Variants in PTPN3 observed in about 807,000 individuals in gnomAD.
PTPN3 encodes tyrosine-protein phosphatase non-receptor type 3.
In PTPN3, 96 loss-of-function variants were observed where a neutral mutation model predicts 132.7. That is an observed-to-expected ratio of 0.72 (90% confidence interval 0.61 to 0.86). The LOEUF is 0.86. PTPN3 is among the 40% of genes least tolerant of loss of function. The pLI is 0.00. For missense variants in PTPN3, 1,125 were observed against 1,159.6 expected, an observed-to-expected ratio of 0.97 and a Z score of 0.43; for synonymous variants, 398 against 429.0, an observed-to-expected ratio of 0.93 and a Z score of 0.89.
intron 1 of PTPN3, among the ~76,000 whole-genome samples, chr9:109,469,411 G>A (rs2132066744): frequency 6.6e-6 from 1 of 152,314 alleles, no homozygotes; most frequent in Admixed American, 6.5e-5. Context: ...CTGAGGTCAG[G>A]AGTGTGATAC....
At chr9:109,421,048 G>A (rs538083193) in intron 13 of PTPN3, among the ~76,000 whole-genome samples, 7 of 152,164 alleles carry the variant, frequency 4.6e-5, no homozygotes, top group Non-Finnish European at 8.8e-5. Context: ...TTATTTCAAC[G>A]ACATCCCTTC....
chr9:109,533,841 T>G, the PTPN3 span: 1 of 844,182 alleles, frequency 1.2e-6, no homozygotes, highest in Non-Finnish European at 2.0e-6. Flanking sequence ...CTCTCGCTAT[T>G]CTGGTAGTTT....
intron 16 of PTPN3, 108 bp from the exon 17 acceptor site, chr9:109,408,485 A>G: frequency 6.8e-6 from 5 of 733,506 alleles, no homozygotes; most frequent in Non-Finnish European, 8.9e-6. Context: ...GTACCAATAA[A>G]TGTGAGTCTT....
intron 1 of PTPN3, among the ~76,000 whole-genome samples, chr9:109,485,720 C>T (rs967547713): frequency 2.6e-5 from 4 of 152,082 alleles, no homozygotes; most frequent in African/African-American, 9.7e-5. Flanking sequence ...TCCCCTTCCA[C>T]CACCATCCTG....
At chr9:109,503,841 A>G in the PTPN3 span, among the ~76,000 whole-genome samples, 1 of 152,224 alleles carries the variant, frequency 6.6e-6, no homozygotes, top group East Asian at 1.9e-4. Context: ...TGGTAGATTC[A>G]TTCATTAAAT....
intron 5 of PTPN3, chr9:109,450,391 G>A: frequency 1.0e-6 from 1 of 984,864 alleles, no homozygotes; most frequent in Non-Finnish European, 1.2e-6. Context: ...AAAGAGAAAG[G>A]AGAGTTATAG....
intron 1 of PTPN3, among the ~76,000 whole-genome samples, chr9:109,478,317 T>C (rs190920008): frequency 6.6e-6 from 1 of 152,358 alleles, no homozygotes; most frequent in Admixed American, 6.5e-5. Flanking sequence ...TATTCCACTC[T>C]TTCTCATGAT....
intron 1 of PTPN3, among the ~76,000 whole-genome samples, chr9:109,464,781 GA>G (rs1846015552): frequency 1.3e-5 from 2 of 152,168 alleles, no homozygotes; most frequent in Admixed American, 1.3e-4. Flanking sequence ...TGCAAAACGT[GA>G]ATCAATTGCT....
chr9:109,432,057 T>C (rs1397712711), intron 10 of PTPN3, among the ~76,000 whole-genome samples: 1 of 148,674 alleles, frequency 6.7e-6, no homozygotes, highest in East Asian at 1.9e-4. Context: ...TATTATATAA[T>C]ATAGGGTATA....
intron 1 of PTPN3, among the ~76,000 whole-genome samples, chr9:109,468,825 G>T (rs530373777): frequency 3.3e-5 from 5 of 152,242 alleles, no homozygotes; most frequent in Non-Finnish European, 7.3e-5. Flanking sequence ...CTCAATGAAA[G>T]GCATTTTATT....
intron 14 of PTPN3, among the ~76,000 whole-genome samples, chr9:109,415,675 T>C (rs10759342): frequency 0.87 from 131,791 of 152,178 alleles, 57,408 homozygotes; most frequent in African/African-American, 0.97. Context: ...GTGGGGATGG[T>C]GGAGGAGTCA....
At chr9:109,510,576 A>T in the PTPN3 span, among the ~76,000 whole-genome samples, 19,194 of 39,210 alleles carry the variant, frequency 0.49, 3,550 homozygotes, top group East Asian at 0.75. Context: ...AAAAAAAAAA[A>T]ATATATATAT....
intron 4 of PTPN3, among the ~76,000 whole-genome samples, chr9:109,456,734 T>C (rs1404592016): frequency 6.6e-6 from 1 of 152,198 alleles, no homozygotes; most frequent in Non-Finnish European, 1.5e-5. Context: ...TTTGGAAGAC[T>C]TAATCTTTTA....
intron 2 of PTPN3, among the ~76,000 whole-genome samples, chr9:109,458,487 T>C (rs1416336006): frequency 6.6e-6 from 1 of 151,346 alleles, no homozygotes; most frequent in Admixed American, 6.6e-5. Flanking sequence ...CAGGCAAAGG[T>C]AGCTCCTTTT....
intron 6 of PTPN3, among the ~76,000 whole-genome samples, chr9:109,447,085 G>A (rs746958726): frequency 3.9e-5 from 6 of 152,190 alleles, no homozygotes; most frequent in Admixed American, 1.3e-4. Flanking sequence ...GAGGTGGTGA[G>A]GACTTGACAA....
At chr9:109,453,762 C>T (rs1845405432) in intron 5 of PTPN3, among the ~76,000 whole-genome samples, 1 of 151,818 alleles carries the variant, frequency 6.6e-6, no homozygotes, top group South Asian at 2.1e-4. Context: ...ATAATCCCAG[C>T]ACCTTGGGAG....
chr9:109,381,582 T>C, intron 25 of PTPN3, 70 bp downstream of exon 25: 1 of 1,576,272 alleles, frequency 6.3e-7, no homozygotes, highest in Non-Finnish European at 8.7e-7. Flanking sequence ...CACAAAGCCC[T>C]TCTCTCAGGC....
intron 1 of PTPN3, among the ~76,000 whole-genome samples, chr9:109,474,622 G>A (rs571145262): frequency 6.6e-6 from 1 of 152,090 alleles, no homozygotes; most frequent in Non-Finnish European, 1.5e-5. Flanking sequence ...TGCAAAGGTT[G>A]GGGGGGAAAA....
At chr9:109,533,741 T>G in the PTPN3 span, 5 of 1,444,900 alleles carry the variant, frequency 3.5e-6, no homozygotes. Context: ...TCTCCGCATG[T>G]AGGAAGGTGG....
Sources: gnomAD v4.1 joint callset for allele counts (sites outside exome capture counted in the v4.1 genomes callset) on GRCh38, gnomAD v4.1.1 for gene constraint, MANE v1.5 for transcripts, NCBI Gene and HGNC (gene_info 2026-07-23, HGNC 2026-07-21) for gene names.